Variants in ADCY6 observed in about 807,000 individuals in gnomAD.
ADCY6 encodes adenylate cyclase type 6.
Under a neutral mutation model 111.6 loss-of-function variants are expected in ADCY6, and 59 were observed. The ratio of observed to expected loss-of-function variants is 0.53; its 90% CI spans 0.43 to 0.66. The LOEUF (loss-of-function observed/expected upper bound fraction) is 0.66, where lower values mean the gene tolerates loss of function less well. Ranked by LOEUF, ADCY6 falls within the 30% of genes least tolerant of loss-of-function variation. The probability of loss-of-function intolerance (pLI) is 0.00; values close to 1 mark genes in which losing one functional copy is unlikely to be tolerated. For synonymous variants in ADCY6, 576 were observed against 642.9 expected, an observed-to-expected ratio of 0.90 and a Z score of 1.57; for missense variants, 1,242 against 1,595.6, an observed-to-expected ratio of 0.78 and a Z score of 3.78.
intron 9 of ADCY6, 96 bp downstream of exon 9, chr12:48,775,867 T>G (rs1941684833): frequency 1.3e-6 from 2 of 1,532,084 alleles, no homozygotes; most frequent in Non-Finnish European, 1.8e-6. Context: ...AAAGCATACA[T>G]GGAAATGGCA....
intron 20 of ADCY6, among the ~76,000 whole-genome samples, chr12:48,770,301 A>G (rs1160011668): frequency 6.6e-6 from 1 of 152,158 alleles, no homozygotes; most frequent in Admixed American, 6.5e-5. Context: ...GACTTCTCAA[A>G]TAAGCCAGTA....
chr12:48,769,699 G>GC (rs1450492955), intron 20 of ADCY6, among the ~76,000 whole-genome samples: 1 of 148,564 alleles, frequency 6.7e-6, no homozygotes, highest in Admixed American at 6.8e-5. Flanking sequence ...AGATTCTCCT[G>GC]CCTCAGCCTC....
intron 1 of ADCY6, among the ~76,000 whole-genome samples, chr12:48,784,678 T>G (rs1026233349): frequency 7.1e-6 from 1 of 141,292 alleles, no homozygotes; most frequent in Non-Finnish European, 1.5e-5. Flanking sequence ...TTTTTTTTTT[T>G]TTTTTTTTTT....
intron 1 of ADCY6, among the ~76,000 whole-genome samples, chr12:48,786,852 A>G (rs1941987492): frequency 1.3e-5 from 2 of 152,230 alleles, no homozygotes; most frequent in African/African-American, 2.4e-5. Flanking sequence ...TGCTAGCCAC[A>G]CTGCCTTGGG....
rs1400904217 is a variant in ADCY6, at chr12:48,783,187, C to G, written c.248G>C (p.Gly83Ala). The change falls in exon 2 of 22, where the codon GGG becomes GCG. Residue 83 changes from glycine to alanine, a missense_variant. Physicochemically the swap from Gly to Ala is moderately conservative, Grantham distance 60 (BLOSUM62 0). Around this residue, in one of 4 missense-constraint regions of ADCY6, gnomAD observed 362 missense variants for 377.2 expected, o/e 0.96. Transcript: ENST00000357869. ...GAAGCCCAGGGCCACTGCCCGCAGC[C>G]CCAGCTCCTTGCCCTTGCCTGGGCC... The part of the protein sequence containing the change: ...RGGPGKGKEL[G>A]LRAVALGFED... 6.2e-7 allele frequency: 1 copy of G among 1,607,094 alleles called. No homozygotes were observed. The highest frequency in any genetic ancestry group is 2.2e-5 in the East Asian group (1 of 44,864).
Position 48,772,357 on chromosome 12 carries a change from G to A in ADCY6, c.2725C>T (p.Leu909=). 1 of 1,614,202 alleles carries A rather than the reference G, an allele frequency of 6.2e-7. No homozygotes were observed. Among genetic ancestry groups the A allele is most frequent in the Non-Finnish European group, 8.5e-7 (1 of 1,180,026 alleles). ...PVILLVFALA[L]YLHAQQVEST... is the part of the protein sequence containing the mutation. ...TCCACCTGCTGAGCATGCAGATACA[G>A]CGCCAGCGCAAACACCAGCAGAATC... The change falls in exon 18 of 22, where the codon CTG becomes TTG. Residue 909 remains leucine (L), a synonymous_variant. Coordinates refer to ENST00000357869, the MANE Select transcript of ADCY6 (RefSeq NM_015270.5).
rs546786783 is a variant in ADCY6, at chr12:48,775,033, G to A, written c.2002C>T (p.Arg668Cys). Reference protein sequence around the residue: ...EKKYSRKVDPRFGAYVACALL... With the variant: ...EKKYSRKVDPCFGAYVACALL... The stretch of plus-strand genomic sequence containing the variant: ...GCACAGGCAACGTAGGCTCCGAAGC[G>A]GGGATCCACCTTCCGGGAGTACTGA... The change falls in exon 12 of 22, where the codon CGC (arginine) becomes TGC (cysteine). Residue 668 changes from arginine (R) to cysteine (C), a missense_variant. Physicochemically the swap from Arg to Cys is radical, Grantham distance 180 (BLOSUM62 -3). Coordinates refer to ENST00000357869, the MANE Select transcript of ADCY6 (RefSeq NM_015270.5). 2.1e-5 allele frequency: 32 copies of A among 1,556,436 alleles called. No individual in the cohort carries two copies. The highest frequency in any genetic ancestry group is 1.6e-4 in the African/African-American group (12 of 73,370).
rs762431483 is a variant in ADCY6 at position 48,782,309 on chromosome 12, G to C, written c.864+262C>G. 6.6e-6 allele frequency among the ~76,000 whole-genome samples: 1 copy of C among 152,084 alleles called. No homozygotes were observed. The highest frequency in any genetic ancestry group is 6.5e-5 in the Admixed American group (1 of 15,276). On this transcript the variant is annotated intron_variant, in intron 2 of 21. Transcript: ENST00000357869. This position sits in a 1 kb window ranked among gnomAD's most constrained non-coding sequence, Gnocchi z 4.3. ...AGCGGGCTAAAGAGCCGGAGACTGG[G>C]GCCCATGGTGACAGAGTTCAGGCTT...
At position 48,770,837 on chromosome 12, in the gene ADCY6, T is replaced by C; in HGVS notation, c.3185A>G (p.Tyr1062Cys). 1 of 1,614,230 alleles carries C rather than the reference T, an allele frequency of 6.2e-7. No homozygotes were observed. Among genetic ancestry groups the C allele is most frequent in the Non-Finnish European group, 8.5e-7 (1 of 1,180,040 alleles). ...GRSHITALAD[Y>C]AMRLMEQMKH... ...CATCTGCTCCATGAGCCGCATGGCG[T>C]AGTCAGCCAGGGCAGTGATGTGGGA... The change falls in exon 20 of 22, where the codon TAC becomes TGC. Residue 1062 changes from tyrosine (Y) to cysteine (C), a missense_variant. By Grantham distance (194) the Tyr-to-Cys change is radical (BLOSUM62 -2). This residue lies in a region of ADCY6 where 245 missense variants were observed against 371.3 expected (regional missense o/e 0.66). Coordinates refer to ENST00000357869, the MANE Select transcript of ADCY6 (RefSeq NM_015270.5).
Position 48,774,456 on chromosome 12 carries a change from G to A in ADCY6, c.2229C>T (p.Thr743=), listed in dbSNP as rs368797991. The A allele has an allele frequency of 1.1e-5, 17 of 1,613,844 alleles. No individual in the cohort carries two copies. Among genetic ancestry groups the A allele is most frequent in the African/African-American group, 6.7e-5 (5 of 74,852 alleles). ...RSIVRSRAHS[T]AVGIFSVLLV... ...GCAGGACGGAAAAGATGCCAACTGC[G>A]GTGCTATGTGCCCGTGAGCGGACAA... Residue 743 remains threonine (T), a synonymous_variant, in exon 14 of 22, where the codon ACC becomes ACT. Coordinates refer to ENST00000357869, the MANE Select transcript of ADCY6 (RefSeq NM_015270.5).
chr12:48,768,826 A>T, intron 21 of ADCY6, 110 bp from the exon 22 acceptor site: 3 of 1,552,784 alleles, frequency 1.9e-6, no homozygotes, highest in African/African-American at 1.4e-5. Context: ...TCCCTGCCCC[A>T]CCATACACAG....
In ADCY6 at chr12:48,771,068, C is replaced by T. The variant is rs1941527306; in HGVS notation, c.3052-98G>A. The T allele has an allele frequency of 2.5e-6, 3 of 1,222,256 alleles. No individual in the cohort carries two copies. Among genetic ancestry groups the T allele is most frequent in the East Asian group, 2.5e-5 (1 of 39,676 alleles). 75.7% of individuals were successfully genotyped at this position (1,222,256 alleles called of 1,614,324 possible). On this transcript the variant is annotated intron_variant, in intron 19 of 21. Coordinates refer to ENST00000357869, the MANE Select transcript of ADCY6 (RefSeq NM_015270.5). This position sits in a 1 kb window ranked among gnomAD's most constrained non-coding sequence, Gnocchi z 4.3. ...TGCCACGCCTTGGCTGCCTTCCCCA[C>T]TTCCCTGTCTCAAGAGCCCCCTTCC... is the stretch of plus-strand genomic sequence containing the variant.
chr12:48,775,264 TC>T, intron 11 of ADCY6, 38 bp downstream of exon 11: 1 of 1,611,092 alleles, frequency 6.2e-7, no homozygotes. Context: ...GACCTGCCCC[TC>T]CCCCAGCCCT....
At chr12:48,783,894 C>T (rs1282127672) in intron 1 of ADCY6, 1 of 162,898 alleles carries the variant, frequency 6.1e-6, no homozygotes, top group Non-Finnish European at 1.3e-5. Context: ...ACCAGCCTGG[C>T]CAAGATGGTG....
Position 48,775,460 on chromosome 12 carries a change from G to A in ADCY6, c.1833-10C>T. On this transcript the variant is annotated splice_polypyrimidine_tract_variant and intron_variant, in intron 10 of 21. Transcript: ENST00000357869. The stretch of plus-strand genomic sequence containing the variant: ...ATCTTGGGTGCCCCGGCTGAGGGCA[G>A]GAGACATGGTTTCACCAGTTGCATG... 3.1e-6 allele frequency: 5 copies of A among 1,613,962 alleles called. No individual in the cohort carries two copies. The highest frequency in any genetic ancestry group is 4.2e-6 in the Non-Finnish European group (5 of 1,179,970).
rs1941908439 is a variant in ADCY6 at position 48,783,390 on chromosome 12, C to T, written c.45G>A (p.Arg15=). The part of the protein sequence containing the change: ...SGLLVPKVDE[R]KTAWGERNGQ... Reference sequence around the variant, plus strand: ...CATTGCGTTCACCCCAGGCTGTTTTCCGTTCATCCACTTTAGGGACCAGGA... The same window carrying T: ...CATTGCGTTCACCCCAGGCTGTTTTTCGTTCATCCACTTTAGGGACCAGGA... Residue 15 remains arginine, a synonymous_variant, in exon 2 of 22, where the codon CGG becomes CGA. Transcript: ENST00000357869. 1 of 1,614,126 alleles carries T rather than the reference C, an allele frequency of 6.2e-7. No individual in the cohort carries two copies.
chr12:48,772,516 C>G lies in ADCY6; in HGVS notation c.2649G>C (p.Gly883=). ...GLASSNETFD[G]LDCPAAGRVA... ...TCGGAGCCCTCACTTACCAGTCCAG[C>G]CCATCAAAGGTCTCATTGGAAGAAG... Residue 883 remains glycine (G), a synonymous_variant, in exon 17 of 22, where the codon GGG becomes GGC. Coordinates refer to ENST00000357869, the MANE Select transcript of ADCY6 (RefSeq NM_015270.5). The G allele has an allele frequency of 6.2e-7, 1 of 1,614,174 alleles. No homozygotes were observed. The highest frequency in any genetic ancestry group is 8.5e-7 in the Non-Finnish European group (1 of 1,180,026).
In ADCY6 at chr12:48,773,998, G is replaced by A. The variant is rs752007954; in HGVS notation, c.2384C>T (p.Ser795Phe). The A allele has an allele frequency of 5.0e-6, 8 of 1,613,782 alleles. No individual in the cohort carries two copies. In the South Asian group the frequency reaches 6.6e-5, roughly 13 times the overall value. The change falls in exon 15 of 22, where the codon TCT (serine) becomes TTT (phenylalanine). Residue 795 changes from serine (S) to phenylalanine (F), a missense_variant. Coordinates refer to ENST00000357869, the MANE Select transcript of ADCY6 (RefSeq NM_015270.5). ...ACACAGGGGAGCATCCAGGCCCAGAGAGTAATTGAGCTGCTGCAGGTGGCA... is the reference window on the plus strand; with the variant it reads ...ACACAGGGGAGCATCCAGGCCCAGAAAGTAATTGAGCTGCTGCAGGTGGCA... ...TACHLQQLNY[S>F]LGLDAPLCEG...
intron 20 of ADCY6, 108 bp downstream of exon 20, chr12:48,770,658 C>T (rs1941511594): frequency 1.7e-6 from 2 of 1,157,798 alleles, no homozygotes; most frequent in South Asian, 1.4e-5. Flanking sequence ...GGAAGAAAAC[C>T]CCACAGGAGC....
Sources: gnomAD v4.1 joint callset for allele counts (sites outside exome capture counted in the v4.1 genomes callset) on GRCh38, gnomAD v4.1.1 for gene constraint, gnomAD v4.1.1 regional missense constraint, Gnocchi (gnomAD v3.1) non-coding constraint, MANE v1.5 for transcripts, NCBI Gene and HGNC (gene_info 2026-07-23, HGNC 2026-07-21) for gene names.